ZNF25: variants seen among roughly 807,000 people sequenced by gnomAD.
ZNF25 encodes zinc finger protein 25.
A neutral mutation model predicts 30.9 loss-of-function variants in ZNF25; 21 were observed. That is an observed-to-expected ratio of 0.68 (90% confidence interval 0.48 to 0.98). ZNF25 has a LOEUF of 0.98. ZNF25 is among the 50% of genes least tolerant of loss of function. The pLI, the probability that ZNF25 is intolerant of heterozygous loss-of-function variation, is 0.00. For synonymous variants in ZNF25, 169 were observed against 181.3 expected (o/e 0.93, Z 0.55); for missense variants, 501 against 529.9 (o/e 0.95, Z 0.54).
chr10:37,975,051 T>A (rs2063724325), intron 1 of ZNF25, among the ~76,000 whole-genome samples: 1 of 152,170 alleles, frequency 6.6e-6, no homozygotes, highest in Non-Finnish European at 1.5e-5. Flanking sequence ...ACGCAGGAGC[T>A]AAGATAGTTG....
intron 2 of ZNF25, among the ~76,000 whole-genome samples, chr10:37,970,811 T>C (rs775633838): frequency 4.6e-5 from 7 of 152,120 alleles, no homozygotes; most frequent in Non-Finnish European, 7.4e-5. Context: ...CCCACAATGC[T>C]GCTCCCTCAG....
chr10:37,954,800 A>G (rs1409641991), intron 4 of ZNF25, among the ~76,000 whole-genome samples: 3 of 152,218 alleles, frequency 2.0e-5, no homozygotes, highest in Admixed American at 6.5e-5. Flanking sequence ...TGGGGAATAC[A>G]TAAGAAAAGT....
In ZNF25 at chr10:37,952,684, G is replaced by A; in HGVS notation, c.814C>T (p.His272Tyr). 1 of 1,611,688 alleles carries A rather than the reference G, an allele frequency of 6.2e-7. No homozygotes were observed. The highest frequency in any genetic ancestry group is 1.3e-5 in the African/African-American group (1 of 74,228). ...ECGKAFSQKS[H>Y]LTVHQRMHTG... ...TGCATTCTCTGATGTACTGTGAGGT[G>A]TGACTTCTGGGAAAAGGCTTTCCCA... The change falls in exon 6 of 6, where the codon CAC becomes TAC. Residue 272 changes from histidine (H) to tyrosine (Y), a missense_variant. Physicochemically the swap from His to Tyr is moderately conservative, Grantham distance 83. Coordinates refer to ENST00000302609, the MANE Select transcript of ZNF25 (RefSeq NM_145011.4).
At chr10:37,962,999 G>A (rs931055045) in intron 2 of ZNF25, among the ~76,000 whole-genome samples, 4 of 151,598 alleles carry the variant, frequency 2.6e-5, no homozygotes, top group African/African-American at 9.7e-5. Flanking sequence ...CCTCCACTGA[G>A]GCAACCATTA....
chr10:37,975,363 C>T (rs552716602), intron 1 of ZNF25, among the ~76,000 whole-genome samples: 65 of 148,184 alleles, frequency 4.4e-4, no homozygotes, highest in African/African-American at 1.5e-3. Flanking sequence ...TCACATGTAC[C>T]CCACAAATAT....
chr10:37,965,740 G>T (rs1451404209), intron 2 of ZNF25, among the ~76,000 whole-genome samples: 2 of 152,132 alleles, frequency 1.3e-5, no homozygotes, highest in Non-Finnish European at 2.9e-5. Flanking sequence ...ACATAGAAAA[G>T]CTGGTATTGT....
At chr10:37,960,929 A>G (rs2062835905) in intron 2 of ZNF25, among the ~76,000 whole-genome samples, 1 of 152,216 alleles carries the variant, frequency 6.6e-6, no homozygotes, top group African/African-American at 2.4e-5. Flanking sequence ...CTAAGAGCAG[A>G]TAAGAGAATC....
chr10:37,955,833 A>G (rs1275413714), intron 4 of ZNF25, among the ~76,000 whole-genome samples: 1 of 152,036 alleles, frequency 6.6e-6, no homozygotes, highest in Non-Finnish European at 1.5e-5. Flanking sequence ...ACAGGTGTGC[A>G]CCACCAAGCC....
chr10:37,964,610 A>T (rs1428145572), intron 2 of ZNF25, among the ~76,000 whole-genome samples: 2 of 152,246 alleles, frequency 1.3e-5, no homozygotes, highest in African/African-American at 2.4e-5. Flanking sequence ...ATTTCTAAGC[A>T]GCAAAGCATT....
intron 2 of ZNF25, among the ~76,000 whole-genome samples, chr10:37,963,986 A>T (rs904606331): frequency 2.6e-5 from 4 of 152,030 alleles, no homozygotes; most frequent in Non-Finnish European, 5.9e-5. Flanking sequence ...AAAAATAAAT[A>T]AGCAAATAAA....
At chr10:37,965,122 G>A (rs1043396217) in intron 2 of ZNF25, among the ~76,000 whole-genome samples, 11 of 152,158 alleles carry the variant, frequency 7.2e-5, no homozygotes, top group Admixed American at 7.2e-4. Flanking sequence ...GAGAATGCAA[G>A]CATGAAGGAG....
At position 37,951,205 on chromosome 10, in the gene ZNF25, A is replaced by C. The variant is rs2062125590; in HGVS notation, c.*922T>G. Reference sequence around the variant, plus strand: ...AAAAGGAATATTACACTTACAATACAAATATTAACAACCAGAGTCACTACT... The same window carrying C: ...AAAAGGAATATTACACTTACAATACCAATATTAACAACCAGAGTCACTACT... On this transcript the variant is annotated 3_prime_UTR_variant, in exon 6 of 6. Coordinates refer to ENST00000302609, the MANE Select transcript of ZNF25 (RefSeq NM_145011.4). The C allele has an allele frequency of 6.6e-6, 1 of 152,264 alleles. No homozygotes were observed. The highest frequency in any genetic ancestry group is 1.5e-5 in the Non-Finnish European group (1 of 68,048). The allele number at this position is 152,264 out of a possible 1,614,324, so 9.4% of individuals were successfully genotyped here.
At chr10:37,957,152 G>C (rs1324641901) in intron 3 of ZNF25, 37 bp from the exon 4 acceptor site, 1 of 1,578,516 alleles carries the variant, frequency 6.3e-7, no homozygotes, top group African/African-American at 1.3e-5. Flanking sequence ...GATACAAATT[G>C]CTTGGAATTT....
At chr10:37,960,068 C>T (rs540642333) in intron 2 of ZNF25, among the ~76,000 whole-genome samples, 6 of 152,262 alleles carry the variant, frequency 3.9e-5, no homozygotes, top group African/African-American at 1.4e-4. Context: ...ATGCCCGCCA[C>T]CATGCTCGGC....
chr10:37,961,561 T>C lies in ZNF25; in HGVS notation c.16-4015A>G, dbSNP rs899080593. The stretch of plus-strand genomic sequence containing the variant: ...AAAGCATACAAACGATGCACCATAT[T>C]TGCAAGGCATTCTAGAATATACTTA... On this transcript the variant is annotated intron_variant, in intron 2 of 5. Transcript: ENST00000302609. 3.3e-5 allele frequency among the ~76,000 whole-genome samples: 5 copies of C among 152,154 alleles called. No homozygotes were observed. The South Asian group carries it at 1.0e-3, about 32-fold the overall frequency.
chr10:37,952,339 A>AT lies in ZNF25; in HGVS notation c.1158dup (p.Leu387IlefsTer41). On this transcript the variant is annotated frameshift_variant, in exon 6 of 6. Coordinates refer to ENST00000302609, the MANE Select transcript of ZNF25 (RefSeq NM_145011.4). LOFTEE classifies it low-confidence loss of function (END_TRUNC). ...TCTCCTGTGTGAGTCCTTTGATGTA[A>AT]TCTGAGGACTGAATTCACAGCAAAA... 1 of 1,610,920 alleles carries AT rather than the reference A, an allele frequency of 6.2e-7. No individual in the cohort carries two copies. The highest frequency in any genetic ancestry group is 8.5e-7 in the Non-Finnish European group (1 of 1,179,068).
rs367617049 is a variant in ZNF25, at chr10:37,952,167, T to C, written c.1331A>G (p.His444Arg). ...TFIQKSQLTAHQKTHTKKRNA... is the reference protein window; with the variant it reads ...TFIQKSQLTARQKTHTKKRNA... ...CCTCTTCTTTGTGTGTGTCTTCTGATGTGCAGTGAGTTGTGACTTCTGGAT... is the reference window on the plus strand; with the variant it reads ...CCTCTTCTTTGTGTGTGTCTTCTGACGTGCAGTGAGTTGTGACTTCTGGAT... Residue 444 changes from histidine to arginine, a missense_variant, in exon 6 of 6, where the codon CAT becomes CGT. Transcript: ENST00000302609. 2.8e-5 allele frequency: 44 copies of C among 1,597,990 alleles called. No homozygotes were observed. The Middle Eastern group carries it at 5.0e-4, about 18-fold the overall frequency.
At chr10:37,962,092 AGG>A (rs2062915529) in intron 2 of ZNF25, among the ~76,000 whole-genome samples, 2 of 151,780 alleles carry the variant, frequency 1.3e-5, no homozygotes, top group African/African-American at 4.8e-5. Context: ...AAAAATTAGC[AGG>A]GCATGGTGGT....
At position 37,952,792 on chromosome 10, in the gene ZNF25, C is replaced by T; in HGVS notation, c.706G>A (p.Gly236Arg). 2.5e-6 allele frequency: 4 copies of T among 1,614,012 alleles called. No individual in the cohort carries two copies. The highest frequency in any genetic ancestry group is 3.4e-6 in the Non-Finnish European group (4 of 1,179,976). The part of the protein sequence containing the change: ...GEKPFECTEC[G>R]KFFYVKAYLM... ...TATGCCTTCACATAGAAGAACTTCC[C>T]ACATTCAGTACATTCAAAAGGTTTC... The change falls in exon 6 of 6, where the codon GGG becomes AGG. Residue 236 changes from glycine to arginine, a missense_variant. Physicochemically the swap from Gly to Arg is moderately radical, Grantham distance 125. Coordinates refer to ENST00000302609, the MANE Select transcript of ZNF25 (RefSeq NM_145011.4).
Sources: gnomAD v4.1 joint callset for allele counts (sites outside exome capture counted in the v4.1 genomes callset) on GRCh38, gnomAD v4.1.1 for gene constraint, MANE v1.5 for transcripts, NCBI Gene and HGNC (gene_info 2026-07-23, HGNC 2026-07-21) for gene names.